The following SBF2 variants were observed in gnomAD, a reference collection of about 807,000 sequenced individuals.
SBF2 encodes myotubularin-related protein 13.
SBF2 carries 112 observed loss-of-function variants against 225.2 expected under a neutral mutation model. The ratio of observed to expected loss-of-function variants is 0.50; its 90% CI spans 0.43 to 0.58. The LOEUF is 0.58. SBF2 is among the 20% of genes least tolerant of loss of function. The probability of loss-of-function intolerance (pLI) is 0.00; values close to 1 mark genes in which losing one functional copy is unlikely to be tolerated. For missense variants in SBF2, 1,996 were observed against 2,206.2 expected (o/e 0.90, Z 1.91); for synonymous variants, 763 against 773.3 (o/e 0.99, Z 0.22).
At chr11:9,873,846 C>T (rs11820989) in intron 17 of SBF2, among the ~76,000 whole-genome samples, 11,644 of 152,110 alleles carry the variant, frequency 0.077, 693 homozygotes, top group East Asian at 0.28. Flanking sequence ...GTCAGGAGTT[C>T]GAGACCAGAC....
At chr11:10,070,736 T>C (rs1199119741) in intron 2 of SBF2, among the ~76,000 whole-genome samples, 2 of 152,246 alleles carry the variant, frequency 1.3e-5, no homozygotes, top group Non-Finnish European at 2.9e-5. Context: ...ATTGAATCTA[T>C]AGATTACTTT....
At chr11:9,921,891 C>T (rs1056745488) in intron 16 of SBF2, among the ~76,000 whole-genome samples, 1 of 152,088 alleles carries the variant, frequency 6.6e-6, no homozygotes, top group African/African-American at 2.4e-5. Context: ...TAACTTGCCA[C>T]AACAGAAGAA....
At chr11:9,855,672 CAT>C (rs1395224903) in intron 19 of SBF2, among the ~76,000 whole-genome samples, 1 of 151,992 alleles carries the variant, frequency 6.6e-6, no homozygotes, top group Non-Finnish European at 1.5e-5. Flanking sequence ...AACAAGCAAA[CAT>C]ATGAAAATAA....
chr11:10,206,805 G>C (rs1957766767), intron 1 of SBF2, among the ~76,000 whole-genome samples: 1 of 151,792 alleles, frequency 6.6e-6, no homozygotes, highest in Non-Finnish European at 1.5e-5. Flanking sequence ...ACAACGGAGA[G>C]AAAACAAATT....
chr11:10,161,654 T>C (rs927484181), intron 2 of SBF2, among the ~76,000 whole-genome samples: 1 of 152,084 alleles, frequency 6.6e-6, no homozygotes, highest in African/African-American at 2.4e-5. Flanking sequence ...GAGATACCAG[T>C]AGGAGTGATT....
intron 17 of SBF2, among the ~76,000 whole-genome samples, chr11:9,889,181 C>T (rs1996062): frequency 0.49 from 73,822 of 151,986 alleles, 18,634 homozygotes; most frequent in Non-Finnish European, 0.57. Context: ...TGACTCTCTG[C>T]ACTTTAATGT....
chr11:10,072,093 A>T (rs1950904907), intron 2 of SBF2, among the ~76,000 whole-genome samples: 1 of 152,212 alleles, frequency 6.6e-6, no homozygotes, highest in African/African-American at 2.4e-5. Flanking sequence ...GTGCATATAA[A>T]TATTCAGGCA....
intron 1 of SBF2, among the ~76,000 whole-genome samples, chr11:10,270,485 G>A (rs1186119878): frequency 6.6e-6 from 1 of 152,176 alleles, no homozygotes; most frequent in Non-Finnish European, 1.5e-5. Flanking sequence ...TCCTCATGTT[G>A]AGTAGGCTGA....
intron 1 of SBF2, among the ~76,000 whole-genome samples, chr11:10,277,913 G>C (rs1245586537): frequency 6.6e-6 from 1 of 152,178 alleles, no homozygotes; most frequent in African/African-American, 2.4e-5. Context: ...AATTGTGAGA[G>C]AATGGTGTTT....
chr11:10,216,488 C>T (rs1263901155), intron 1 of SBF2, among the ~76,000 whole-genome samples: 2 of 152,216 alleles, frequency 1.3e-5, no homozygotes, highest in East Asian at 3.9e-4. Context: ...TTAGACTGCT[C>T]TAATCCTTAA....
In SBF2 at chr11:10,294,164, C is replaced by T. The variant is rs921256877; in HGVS notation, c.-95G>A. 15 of 910,900 alleles carry T rather than the reference C, an allele frequency of 1.6e-5. No individual in the cohort carries two copies. The highest frequency in any genetic ancestry group is 2.2e-5 in the Non-Finnish European group (15 of 689,440). 56.4% of individuals were successfully genotyped at this position (910,900 alleles called of 1,614,324 possible). On this transcript the variant is annotated 5_prime_UTR_variant, in exon 1 of 40. Transcript: ENST00000256190. ...GGAGGGCTCAGCATTTTCCCTGCAG[C>T]GGCAGTAGCGGCAGCGGCAGCGCTT...
intron 1 of SBF2, among the ~76,000 whole-genome samples, chr11:10,290,678 G>A (rs1337596213): frequency 2.6e-5 from 4 of 152,044 alleles, no homozygotes; most frequent in Admixed American, 1.3e-4. Flanking sequence ...AGAGAAGAAC[G>A]TTACAATATG....
chr11:9,922,638 T>C (rs1227112431), intron 16 of SBF2, among the ~76,000 whole-genome samples: 1 of 152,200 alleles, frequency 6.6e-6, no homozygotes, highest in African/African-American at 2.4e-5. Context: ...ACCATTATCA[T>C]TTAAAGACCA....
At chr11:9,891,120 G>C (rs947884830) in intron 17 of SBF2, among the ~76,000 whole-genome samples, 1 of 151,012 alleles carries the variant, frequency 6.6e-6, no homozygotes, top group African/African-American at 2.4e-5. Context: ...TGGGCGAAAA[G>C]AGCAAAACTC....
chr11:10,040,958 C>T (rs1346118464), intron 3 of SBF2, among the ~76,000 whole-genome samples: 1 of 151,930 alleles, frequency 6.6e-6, no homozygotes, highest in Non-Finnish European at 1.5e-5. Flanking sequence ...CCCAAGAATT[C>T]CTAGAACCTA....
chr11:9,844,376 C>A (rs769939357), intron 24 of SBF2, among the ~76,000 whole-genome samples: 2 of 152,136 alleles, frequency 1.3e-5, no homozygotes, highest in Non-Finnish European at 2.9e-5. Context: ...CAAAGCTCTC[C>A]CTAGTATTGT....
chr11:10,200,550 T>C (rs1957535015), intron 1 of SBF2, among the ~76,000 whole-genome samples: 1 of 152,210 alleles, frequency 6.6e-6, no homozygotes, highest in Non-Finnish European at 1.5e-5. Context: ...TAAAACATGT[T>C]TAATGCTGTT....
chr11:9,884,989 G>A (rs1023383847), intron 17 of SBF2, among the ~76,000 whole-genome samples: 3 of 152,004 alleles, frequency 2.0e-5, no homozygotes, highest in South Asian at 2.1e-4. Context: ...GGTGGCTCAC[G>A]CCTGTAATCT....
At chr11:9,788,034 A>C in intron 35 of SBF2, 1 of 412,194 alleles carries the variant, frequency 2.4e-6, no homozygotes, top group Non-Finnish European at 4.5e-6. Flanking sequence ...ACCCTTGGGC[A>C]GCCCATGGGA....
Sources: gnomAD v4.1 joint callset for allele counts (sites outside exome capture counted in the v4.1 genomes callset) on GRCh38, gnomAD v4.1.1 for gene constraint, MANE v1.5 for transcripts, NCBI Gene and HGNC (gene_info 2026-07-23, HGNC 2026-07-21) for gene names.